The following PLA2G2A variants were observed in gnomAD, a reference collection of about 807,000 sequenced individuals.
PLA2G2A encodes phospholipase A2 group IIA, also known as phospholipase A2, membrane associated.
Under a neutral mutation model 11.2 loss-of-function variants are expected in PLA2G2A, and 6 were observed. The ratio of observed to expected loss-of-function variants is 0.54; its 90% confidence interval spans 0.29 to 1.06. The LOEUF (loss-of-function observed/expected upper bound fraction) is 1.06, where lower values mean the gene tolerates loss of function less well. Ranked by LOEUF, PLA2G2A falls within the 50% of genes least tolerant of loss-of-function variation. The pLI is 0.08. For missense variants in PLA2G2A, 133 were observed against 177.1 expected (o/e 0.75, Z 1.41); for synonymous variants, 69 against 65.8 (o/e 1.05, Z -0.23).
chr1:19,978,428 CAGCCGTAGA>C, exon 3 of PLA2G2A: 3 of 1,612,186 alleles, frequency 1.9e-6, no homozygotes, highest in Non-Finnish European at 2.5e-6. Flanking sequence ...GCCACAGTGG[CAGCCGTAGA>C]AGCCATAACT....
chr1:19,977,972 C>T (rs1365752601), intron 4 of PLA2G2A, 43 bp downstream of exon 4: 1 of 1,175,420 alleles, frequency 8.5e-7, no homozygotes, highest in South Asian at 1.2e-5. Context: ...CCAGCACTGT[C>T]TAAACAAATG....
intron 1 of PLA2G2A, 90 bp from the exon 2 acceptor site, chr1:19,978,969 C>T: frequency 2.0e-6 from 1 of 491,044 alleles, no homozygotes; most frequent in East Asian, 4.3e-5. Flanking sequence ...TGCCCTCCAG[C>T]AATGCACACA....
intron 4 of PLA2G2A, among the ~76,000 whole-genome samples, chr1:19,976,861 CT>C (rs1446390183): frequency 6.6e-5 from 10 of 152,348 alleles, no homozygotes; most frequent in Middle Eastern, 3.4e-3. Context: ...ACAGCTTCCC[CT>C]GAGTCCCTCA....
chr1:19,976,141 C>T lies in PLA2G2A; in HGVS notation c.293-298G>A, dbSNP rs527522886. Among the ~76,000 whole-genome samples the T allele has an allele frequency of 3.9e-5, 6 of 152,296 alleles. No homozygotes were observed. In the East Asian group the frequency reaches 5.8e-4, roughly 15 times the overall value. On this transcript the variant is annotated intron_variant, in intron 4 of 4. Transcript: ENST00000482011. The stretch of plus-strand genomic sequence containing the variant: ...TGTCCAGGAGGCAAAGCCCTAGCCT[C>T]GGGGGTCTGGGAATAGATTGTGATT...
intron 4 of PLA2G2A, among the ~76,000 whole-genome samples, chr1:19,976,404 CG>C (rs1553167026): frequency 1.3e-5 from 2 of 152,178 alleles, no homozygotes; most frequent in Non-Finnish European, 2.9e-5. Context: ...ACACTGGCCA[CG>C]TGGCATAGCT....
chr1:19,975,713 G>T (rs1272830963), exon 5 of PLA2G2A: 1 of 1,613,814 alleles, frequency 6.2e-7, no homozygotes, highest in South Asian at 1.1e-5. Context: ...AGCAACGAGG[G>T]GTGCTCCCTC....
chr1:19,978,510 G>C, exon 3 of PLA2G2A: 2 of 1,613,652 alleles, frequency 1.2e-6, no homozygotes, highest in Admixed American at 3.3e-5. Context: ...AAATTCCCAT[G>C]GGCCTGCAGT....
chr1:19,979,706 G>C (rs1399186121), upstream of PLA2G2A: 1 of 152,438 alleles, frequency 6.6e-6, no homozygotes, highest in Non-Finnish European at 1.5e-5. Context: ...GATGGGCGTG[G>C]TCAGTTGGTG....
intron 1 of PLA2G2A, among the ~76,000 whole-genome samples, chr1:19,979,253 A>G (rs1467490325): frequency 6.6e-6 from 1 of 152,136 alleles, no homozygotes; most frequent in Non-Finnish European, 1.5e-5. Flanking sequence ...CAAGGCACCC[A>G]TGGAGGCTCG....
intron 4 of PLA2G2A, 27 bp from the exon 5 acceptor site, chr1:19,975,870 G>A (rs758939360): frequency 1.2e-6 from 2 of 1,606,226 alleles, no homozygotes; most frequent in Non-Finnish European, 1.7e-6. Context: ...ATAAACACAA[G>A]ATGGGAGTTT....
In PLA2G2A at chr1:19,978,001, GGTAGGAC is replaced by G. The variant is rs2046244584; in HGVS notation, c.292+7_292+13del. On this transcript the variant is annotated splice_region_variant and intron_variant, in intron 4 of 4. Transcript: ENST00000482011. ...ACAAATGAGGGCCACTCGATGGTGAGGTAGGACTCTTACCACAGGTGATTCTGCTCCC... is the reference window on the plus strand; with the variant it reads ...ACAAATGAGGGCCACTCGATGGTGAGTCTTACCACAGGTGATTCTGCTCCC... 6.8e-7 allele frequency: 1 copy of G among 1,478,386 alleles called. No individual in the cohort carries two copies. Among genetic ancestry groups the G allele is most frequent in the Admixed American group, 1.7e-5 (1 of 59,868 alleles). 91.6% of individuals were successfully genotyped at this position (1,478,386 alleles called of 1,614,324 possible).
In PLA2G2A at chr1:19,975,747, T is replaced by A. The variant is rs750291388; in HGVS notation, c.389A>T (p.Gln130Leu). 11 of 1,613,506 alleles carry A rather than the reference T, an allele frequency of 6.8e-6. No individual in the cohort carries two copies. In the South Asian group the frequency reaches 1.2e-4, roughly 18 times the overall value. ...TCTGCAGTGTTTATTGGAATAGTAC[T>A]GGTACTTTTTATTGTAGGTCGTCTT... The change falls in exon 5 of 5, where the codon CAG (glutamine) becomes CTG (leucine). Residue 130 changes from glutamine (Q) to leucine (L), a missense_variant. Coordinates refer to ENST00000482011, the Ensembl canonical transcript of PLA2G2A.
At chr1:19,980,324 C>A (rs1017888341), upstream of PLA2G2A, 9 of 152,350 alleles carry the variant, frequency 5.9e-5, no homozygotes, top group Non-Finnish European at 1.0e-4. Context: ...TTGAAGTTCC[C>A]ACCAAAGCAC....
chr1:19,978,345 A>G lies in PLA2G2A; in HGVS notation c.185+35T>C, dbSNP rs11573164. The stretch of plus-strand genomic sequence containing the variant: ...CAGCTCCCAGCCCTGCCTGGGCCAG[A>G]GTCTAGGAGGGTAGGGAGGGATAGG... On this transcript the variant is annotated intron_variant, in intron 3 of 4. Coordinates refer to ENST00000482011, the Ensembl canonical transcript of PLA2G2A. 3.3e-3 allele frequency: 5,259 copies of G among 1,603,082 alleles called. 144 individuals carry two copies. The African/African-American group carries it at 0.062, about 19-fold the overall frequency.
chr1:19,976,836 C>T lies in PLA2G2A; in HGVS notation c.293-993G>A, dbSNP rs11573171. Among the ~76,000 whole-genome samples the T allele has an allele frequency of 4.8e-3, 738 of 152,316 alleles. 4 individuals are homozygous for T. The highest frequency in any genetic ancestry group is 0.01 in the Middle Eastern group (3 of 294). On this transcript the variant is annotated intron_variant, in intron 4 of 4. Transcript: ENST00000482011. ...ACCTGGTCTAATCTGGCTTTGCCCT[C>T]CCGACTCCATGGAAACAGCTTCCCC...
At chr1:19,978,164 A>G in intron 3 of PLA2G2A, 43 bp from the exon 4 acceptor site, 1 of 1,474,146 alleles carries the variant, frequency 6.8e-7, no homozygotes, top group Non-Finnish European at 9.5e-7. Flanking sequence ...CCACAGCTCC[A>G]GGAGGCCTGG....
chr1:19,978,673 AC>A (rs2046259938), intron 2 of PLA2G2A, 60 bp downstream of exon 2: 1 of 1,604,400 alleles, frequency 6.2e-7, no homozygotes. Context: ...AAACTAAGGG[AC>A]AAGAGTGCTT....
At chr1:19,977,349 A>G (rs1316790604) in intron 4 of PLA2G2A, among the ~76,000 whole-genome samples, 1 of 151,968 alleles carries the variant, frequency 6.6e-6, no homozygotes, top group Non-Finnish European at 1.5e-5. Flanking sequence ...TCCATCTCAA[A>G]TGCATCTTGA....
intron 4 of PLA2G2A, among the ~76,000 whole-genome samples, chr1:19,977,584 G>T (rs938484047): frequency 1.3e-5 from 2 of 152,206 alleles, no homozygotes; most frequent in Admixed American, 1.3e-4. Flanking sequence ...CGGCCTGGAG[G>T]GCCGGATTGA....
Sources: allele counts gnomAD v4.1 joint callset (sites outside exome capture counted in the v4.1 genomes callset), GRCh38; gene constraint gnomAD v4.1.1; transcripts MANE v1.5; gene names NCBI Gene and HGNC (gene_info 2026-07-23, HGNC 2026-07-21).